KCNG1: variants seen among roughly 807,000 people sequenced by gnomAD.
KCNG1 encodes the protein potassium voltage-gated channel modifier subfamily G member 1.
In KCNG1, 17 loss-of-function variants were observed where a neutral mutation model predicts 32.4. The ratio of observed to expected loss-of-function variants is 0.52; its 90% CI spans 0.36 to 0.79. The LOEUF (loss-of-function observed/expected upper bound fraction) is 0.79, where lower values mean the gene tolerates loss of function less well. Ranked by LOEUF, KCNG1 falls within the 30% of genes least tolerant of loss-of-function variation. The probability of loss-of-function intolerance (pLI) is 0.00; values close to 1 mark genes in which losing one functional copy is unlikely to be tolerated. For missense variants in KCNG1, 441 were observed against 735.2 expected, an observed-to-expected ratio of 0.60 and a Z score of 4.63; for synonymous variants, 358 against 339.9, an observed-to-expected ratio of 1.05 and a Z score of -0.59.
chr20:51,012,641 C>G (rs539553761), intron 1 of KCNG1, among the ~76,000 whole-genome samples: 1 of 152,244 alleles, frequency 6.6e-6, no homozygotes, highest in Non-Finnish European at 1.5e-5. Flanking sequence ...TTATTCATTA[C>G]CAGCTCATGG....
chr20:51,010,390 C>A, intron 1 of KCNG1, 26 bp from the exon 2 acceptor site: 1 of 1,422,524 alleles, frequency 7.0e-7, no homozygotes, highest in Non-Finnish European at 9.4e-7. Context: ...AGGGAAGACC[C>A]TCAGTGACCA....
chr20:51,014,200 G>A (rs566070150), intron 1 of KCNG1: 10 of 152,166 alleles, frequency 6.6e-5, no homozygotes, highest in South Asian at 2.1e-4. Context: ...GAAATGCTGA[G>A]GCCAGAACTT....
intron 1 of KCNG1, among the ~76,000 whole-genome samples, chr20:51,018,819 G>A (rs749494791): frequency 5.9e-5 from 9 of 152,188 alleles, no homozygotes; most frequent in African/African-American, 1.9e-4. Context: ...ACTCCAGGCC[G>A]AACCTCTTTG....
chr20:51,016,415 C>T (rs528547741), intron 1 of KCNG1, among the ~76,000 whole-genome samples: 10 of 151,276 alleles, frequency 6.6e-5, no homozygotes, highest in African/African-American at 2.2e-4. Flanking sequence ...CCAGCCTGGG[C>T]GACAGAGTGA....
At chr20:51,011,702 T>C (rs1988100419) in intron 1 of KCNG1, among the ~76,000 whole-genome samples, 1 of 152,190 alleles carries the variant, frequency 6.6e-6, no homozygotes, top group Non-Finnish European at 1.5e-5. Flanking sequence ...AGCCACGTGA[T>C]TTGATAAGAT....
intron 1 of KCNG1, among the ~76,000 whole-genome samples, chr20:51,016,349 A>C (rs1988279148): frequency 6.6e-6 from 1 of 152,164 alleles, no homozygotes; most frequent in Non-Finnish European, 1.5e-5. Flanking sequence ...AGGCAGGAGA[A>C]TCACTTGAAC....
rs1987731291 is a variant in KCNG1, at chr20:51,004,297, G to A, written c.1284C>T (p.Gly428=). 1.9e-6 allele frequency: 3 copies of A among 1,612,890 alleles called. No individual in the cohort carries two copies. Among genetic ancestry groups the A allele is most frequent in the Admixed American group, 1.7e-5 (1 of 59,972 alleles). ...CCGGGGTGCTCCTGGGGACCATGTCGCCATAGCCCACCGTCGTCATGGTGA... is the reference window on the plus strand; with the variant it reads ...CCGGGGTGCTCCTGGGGACCATGTCACCATAGCCCACCGTCGTCATGGTGA... The part of the protein sequence containing the change: ...AVITMTTVGY[G]DMVPRSTPGQ... Residue 428 remains glycine, a synonymous_variant, in exon 3 of 3, where the codon GGC becomes GGT. Transcript: ENST00000371571. This position sits in a 1 kb window ranked among gnomAD's most constrained non-coding sequence, Gnocchi z 4.3.
At chr20:51,018,132 G>A (rs1252668123) in intron 1 of KCNG1, among the ~76,000 whole-genome samples, 1 of 152,172 alleles carries the variant, frequency 6.6e-6, no homozygotes, top group Non-Finnish European at 1.5e-5. Context: ...GTACAGGTGC[G>A]GGACCTGTGG....
intron 1 of KCNG1, among the ~76,000 whole-genome samples, chr20:51,022,037 CG>C (rs1035101254): frequency 2.0e-5 from 3 of 152,202 alleles, no homozygotes; most frequent in Non-Finnish European, 2.9e-5. Context: ...GCCTCCCAAG[CG>C]GGGGCCTGGG....
rs147862940 is a variant in KCNG1, at chr20:51,018,279, C to T, written c.-27+4591G>A. Among the ~76,000 whole-genome samples the T allele has an allele frequency of 1.1e-3, 170 of 152,320 alleles. 1 individual carries two copies. Among genetic ancestry groups the T allele is most frequent in the South Asian group, 5.6e-3 (27 of 4,826 alleles). ...CACTGAGCCGCTGGCCTCTCTGAGC[C>T]TGCCTCCTCCCCTAGAAGATGGGGA... On this transcript the variant is annotated intron_variant, in intron 1 of 2. Transcript: ENST00000371571.
At chr20:51,022,444 G>A (rs1393792529) in intron 1 of KCNG1, among the ~76,000 whole-genome samples, 1 of 152,124 alleles carries the variant, frequency 6.6e-6, no homozygotes, top group Admixed American at 6.5e-5. Context: ...GGGGGTGAAG[G>A]GGGGCTCCAT....
intron 1 of KCNG1, among the ~76,000 whole-genome samples, chr20:51,020,720 A>G (rs1988448738): frequency 6.6e-6 from 1 of 152,132 alleles, no homozygotes; most frequent in African/African-American, 2.4e-5. Context: ...TCAACATTGG[A>G]AAGCAGGGTG....
intron 1 of KCNG1, among the ~76,000 whole-genome samples, chr20:51,017,762 GC>G (rs1988332278): frequency 6.6e-6 from 1 of 152,170 alleles, no homozygotes; most frequent in South Asian, 2.1e-4. Context: ...TCTCCCAGGG[GC>G]TGGAGGCACA....
chr20:51,005,178 G>T lies in KCNG1; in HGVS notation c.775-372C>A. The stretch of plus-strand genomic sequence containing the variant: ...CTTTAGGCAATCCCATCTTTCCAAT[G>T]GCTTAGGACAGGAGACCTGGCGTCA... On this transcript the variant is annotated intron_variant, in intron 2 of 2. Transcript: ENST00000371571. The surrounding 1 kb of genome is among the most constrained non-coding windows in gnomAD (Gnocchi z 4.0). The T allele has an allele frequency of 5.3e-6, 1 of 190,430 alleles. No individual in the cohort carries two copies. Among genetic ancestry groups the T allele is most frequent in the Non-Finnish European group, 1.1e-5 (1 of 94,248 alleles). The allele number at this position is 190,430 out of a possible 1,614,324, so 11.8% of individuals were successfully genotyped here. A position where few individuals can be genotyped will look rare whatever the true frequency, so the allele number is the denominator to read the frequency against.
rs1424880146 is a variant in KCNG1, at chr20:51,015,601, G to C, written c.-26-5237C>G. Among the ~76,000 whole-genome samples the C allele has an allele frequency of 6.6e-6, 1 of 152,208 alleles. No individual in the cohort carries two copies. Among genetic ancestry groups the C allele is most frequent in the Non-Finnish European group, 1.5e-5 (1 of 68,028 alleles). ...CCTGTGCCCGGTAGCCACTGAAGCT[G>C]CATCACATCAGGCCAGAGTGGTCAG... On this transcript the variant is annotated intron_variant, in intron 1 of 2. Coordinates refer to ENST00000371571, the MANE Select transcript of KCNG1 (RefSeq NM_002237.4). The surrounding 1 kb of genome is among the most constrained non-coding windows in gnomAD (Gnocchi z 4.4).
chr20:51,012,848 C>T (rs1988144729), intron 1 of KCNG1, among the ~76,000 whole-genome samples: 1 of 152,344 alleles, frequency 6.6e-6, no homozygotes, highest in East Asian at 1.9e-4. Flanking sequence ...CCACCCCCAA[C>T]TATTGTCTTC....
At chr20:51,022,811 C>T (rs544225124) in intron 1 of KCNG1, 59 bp downstream of exon 1, 4 of 152,352 alleles carry the variant, frequency 2.6e-5, no homozygotes, top group Admixed American at 1.3e-4. Context: ...TTTGCAGGCT[C>T]GGGGTCCGGT....
At position 51,004,920 on chromosome 20, in the gene KCNG1, G is replaced by T; in HGVS notation, c.775-114C>A. ...CCCAGGCGGAAGGTGACCTCTCCAG[G>T]TTGAGTGGCCCCGGGTCCTCTCCCT... is the stretch of plus-strand genomic sequence containing the variant. On this transcript the variant is annotated intron_variant, in intron 2 of 2. Coordinates refer to ENST00000371571, the MANE Select transcript of KCNG1 (RefSeq NM_002237.4). This position sits in a 1 kb window ranked among gnomAD's most constrained non-coding sequence, Gnocchi z 4.3. 1.8e-6 allele frequency: 2 copies of T among 1,126,578 alleles called. No individual in the cohort carries two copies. The highest frequency in any genetic ancestry group is 2.4e-6 in the Non-Finnish European group (2 of 817,486). The allele number at this position is 1,126,578 out of a possible 1,614,324, so 69.8% of individuals were successfully genotyped here.
chr20:51,018,375 G>A (rs1988354497), intron 1 of KCNG1, among the ~76,000 whole-genome samples: 2 of 152,184 alleles, frequency 1.3e-5, no homozygotes, highest in Admixed American at 1.3e-4. Context: ...GATGAGCAGT[G>A]TCACTGGGCC....
Sources: gnomAD v4.1 joint callset for allele counts (sites outside exome capture counted in the v4.1 genomes callset) on GRCh38, gnomAD v4.1.1 for gene constraint, Gnocchi (gnomAD v3.1) non-coding constraint, MANE v1.5 for transcripts, NCBI Gene and HGNC (gene_info 2026-07-23, HGNC 2026-07-21) for gene names.